Variants in MTPN observed in about 807,000 individuals in gnomAD.
MTPN encodes myotrophin, also known as granule cell differentiation protein.
Under a neutral mutation model 13.5 loss-of-function variants are expected in MTPN, and 2 were observed. The ratio of observed to expected loss-of-function variants is 0.15; its 90% CI spans 0.06 to 0.47. MTPN has a LOEUF of 0.47. Among genes scored for constraint, MTPN ranks in the 20% least tolerant of loss-of-function variants. The pLI is 0.97. For missense variants in MTPN, 79 were observed against 137.9 expected (o/e 0.57, Z 2.14); for synonymous variants, 46 against 51.7 (o/e 0.89, Z 0.48).
intron 1 of MTPN, among the ~76,000 whole-genome samples, chr7:135,957,066 A>G (rs1457910847): frequency 6.6e-6 from 1 of 152,224 alleles, no homozygotes; most frequent in Admixed American, 6.5e-5. Context: ...TGCAACATGA[A>G]GTCTGTCAGT....
intron 3 of MTPN, among the ~76,000 whole-genome samples, chr7:135,949,279 G>C (rs1327121028): frequency 2.0e-5 from 3 of 152,120 alleles, no homozygotes; most frequent in Non-Finnish European, 2.9e-5. Context: ...ATTTCCCAGG[G>C]ATGAAATTAT....
At chr7:135,940,555 G>C (rs531381224) in intron 3 of MTPN, among the ~76,000 whole-genome samples, 1 of 152,262 alleles carries the variant, frequency 6.6e-6, no homozygotes, top group South Asian at 2.1e-4. Context: ...GTCCCCTGAA[G>C]TGGACATTGT....
intron 1 of MTPN, among the ~76,000 whole-genome samples, chr7:135,958,945 A>T (rs1196523883): frequency 2.0e-5 from 3 of 152,160 alleles, no homozygotes; most frequent in Admixed American, 2.0e-4. Context: ...GTACAGCATG[A>T]TTTCTAACCG....
chr7:135,952,446 CATTATTT>C (rs1416270491), intron 1 of MTPN, among the ~76,000 whole-genome samples: 1 of 152,142 alleles, frequency 6.6e-6, no homozygotes, highest in Non-Finnish European at 1.5e-5. Flanking sequence ...GTGATACACC[CATTATTT>C]CTAATCTTCA....
At chr7:135,955,107 GTGAC>G (rs1419956475) in intron 1 of MTPN, among the ~76,000 whole-genome samples, 1 of 152,124 alleles carries the variant, frequency 6.6e-6, no homozygotes, top group African/African-American at 2.4e-5. Flanking sequence ...AAGGCTTTGT[GTGAC>G]TGACAGAAAA....
intron 1 of MTPN, among the ~76,000 whole-genome samples, chr7:135,973,532 C>T (rs1242232119): frequency 6.6e-6 from 1 of 151,982 alleles, no homozygotes; most frequent in African/African-American, 2.4e-5. Context: ...AGAGCTTATG[C>T]AGTCTGAAAT....
At chr7:135,931,543 T>C (rs1483212576) in intron 3 of MTPN, among the ~76,000 whole-genome samples, 3 of 152,148 alleles carry the variant, frequency 2.0e-5, no homozygotes, top group African/African-American at 7.2e-5. Flanking sequence ...ATGGAAGACA[T>C]GGAATTCAGG....
chr7:135,971,373 C>A (rs750689300), intron 1 of MTPN, among the ~76,000 whole-genome samples: 1 of 152,190 alleles, frequency 6.6e-6, no homozygotes, highest in Non-Finnish European at 1.5e-5. Context: ...TCAAAATCCA[C>A]CAGAAAGCTC....
intron 3 of MTPN, among the ~76,000 whole-genome samples, chr7:135,937,431 T>C (rs373299711): frequency 1.3e-5 from 2 of 151,690 alleles, no homozygotes; most frequent in African/African-American, 4.8e-5. Context: ...GAACCAAATA[T>C]AAATACAGTC....
intron 3 of MTPN, among the ~76,000 whole-genome samples, chr7:135,936,024 A>G (rs1239592785): frequency 6.6e-6 from 1 of 152,110 alleles, no homozygotes; most frequent in Non-Finnish European, 1.5e-5. Context: ...GTCTTTACAC[A>G]TTGCATATAA....
chr7:135,931,553 G>C (rs574994050), intron 3 of MTPN, among the ~76,000 whole-genome samples: 1 of 152,260 alleles, frequency 6.6e-6, no homozygotes, highest in South Asian at 2.1e-4. Flanking sequence ...TGGAATTCAG[G>C]GTCAAGTGGG....
At chr7:135,952,293 T>C (rs1799373896) in intron 1 of MTPN, among the ~76,000 whole-genome samples, 1 of 152,126 alleles carries the variant, frequency 6.6e-6, no homozygotes, top group African/African-American at 2.4e-5. Context: ...CAGAAGAACA[T>C]GACAATCCTG....
chr7:135,935,138 A>T (rs1460574072), intron 3 of MTPN, among the ~76,000 whole-genome samples: 1 of 152,172 alleles, frequency 6.6e-6, no homozygotes. Context: ...TGTTTACTTA[A>T]GTCTTCAGAC....
intron 3 of MTPN, among the ~76,000 whole-genome samples, chr7:135,931,490 A>G (rs954990381): frequency 2.6e-5 from 4 of 152,186 alleles, no homozygotes; most frequent in Non-Finnish European, 5.9e-5. Flanking sequence ...TATTATTATA[A>G]AAGTCTCTAT....
At chr7:135,961,895 G>C (rs1799529292) in intron 1 of MTPN, among the ~76,000 whole-genome samples, 1 of 152,030 alleles carries the variant, frequency 6.6e-6, no homozygotes, top group African/African-American at 2.4e-5. Context: ...AAATGGGAAA[G>C]ATGTTCATTT....
At chr7:135,960,569 A>G (rs1799505801) in intron 1 of MTPN, 1 of 152,086 alleles carries the variant, frequency 6.6e-6, no homozygotes, top group African/African-American at 2.4e-5. Context: ...GAGGTAGGGT[A>G]TAAAAATCAT....
At chr7:135,962,364 T>C (rs1372400544) in intron 1 of MTPN, among the ~76,000 whole-genome samples, 3 of 151,696 alleles carry the variant, frequency 2.0e-5, no homozygotes, top group African/African-American at 7.3e-5. Context: ...ACCAAACCAA[T>C]ACTAAATCTC....
In MTPN at chr7:135,939,587, G is replaced by GGT; in HGVS notation, c.271-9576_271-9575insAC. Among the ~76,000 whole-genome samples, 2 of 105,692 alleles carry GGT rather than the reference G, an allele frequency of 1.9e-5. 1 individual carries two copies. The highest frequency in any genetic ancestry group is 9.0e-4 in the South Asian group (2 of 2,232). The allele number at this position is 105,692 out of a possible 152,430, so 69.3% of individuals were successfully genotyped here. ...GGGGAAAATGGGGGCGGGGGGGGGG[G>GGT]GCGGGTGCGTGGGGCGGGTGCCCAG... On this transcript the variant is annotated intron_variant, in intron 3 of 3. Coordinates refer to ENST00000393085, the MANE Select transcript of MTPN (RefSeq NM_145808.4).
chr7:135,938,594 C>T (rs1424974470), intron 3 of MTPN, among the ~76,000 whole-genome samples: 3 of 152,212 alleles, frequency 2.0e-5, no homozygotes, highest in Non-Finnish European at 4.4e-5. Flanking sequence ...TTACAGAGTT[C>T]AAGCTCTTCA....
Sources: allele counts gnomAD v4.1 joint callset (sites outside exome capture counted in the v4.1 genomes callset), GRCh38; gene constraint gnomAD v4.1.1; transcripts MANE v1.5; gene names NCBI Gene and HGNC (gene_info 2026-07-23, HGNC 2026-07-21).